The following MDGA2 variants were observed in gnomAD, a reference collection of about 807,000 sequenced individuals.
MDGA2 encodes the protein MAM domain-containing glycosylphosphatidylinositol anchor protein 2.
MDGA2 carries 40 observed loss-of-function variants against 117.8 expected under a neutral mutation model. The observed-to-expected ratio is 0.34, with a 90% CI of 0.26 to 0.44. MDGA2 has a LOEUF of 0.44. Among genes scored for constraint, MDGA2 ranks in the 20% least tolerant of loss-of-function variants. The pLI is 1.00. For missense variants in MDGA2, 1,123 were observed against 1,250.6 expected, an observed-to-expected ratio of 0.90 and a Z score of 1.54; for synonymous variants, 452 against 439.0, an observed-to-expected ratio of 1.03 and a Z score of -0.37.
At chr14:47,382,397 T>A (rs556918282) in intron 1 of MDGA2, among the ~76,000 whole-genome samples, 2 of 152,310 alleles carry the variant, frequency 1.3e-5, no homozygotes, top group South Asian at 4.2e-4. Flanking sequence ...CACAAGGAAC[T>A]ACCATCAGAC....
chr14:47,371,343 C>A (rs1891354635), intron 1 of MDGA2, among the ~76,000 whole-genome samples: 1 of 151,726 alleles, frequency 6.6e-6, no homozygotes, highest in Admixed American at 6.6e-5. Flanking sequence ...TACTTAAAGT[C>A]TCAAATACAG....
chr14:47,486,913 C>G (rs546482011), intron 1 of MDGA2, among the ~76,000 whole-genome samples: 31 of 152,022 alleles, frequency 2.0e-4, no homozygotes. Flanking sequence ...TTAGCAGCAG[C>G]GTGAAAAAAG....
At chr14:47,450,903 G>A (rs1194305089) in intron 1 of MDGA2, among the ~76,000 whole-genome samples, 4 of 152,094 alleles carry the variant, frequency 2.6e-5, no homozygotes, top group Admixed American at 2.6e-4. Flanking sequence ...TTCTTACTTA[G>A]CTGAGGCACT....
intron 2 of MDGA2, among the ~76,000 whole-genome samples, chr14:47,246,296 T>C (rs1447753728): frequency 2.6e-5 from 4 of 151,790 alleles, no homozygotes; most frequent in Non-Finnish European, 5.9e-5. Context: ...CAAAAATTTA[T>C]CAGTCCTTCC....
intron 1 of MDGA2, among the ~76,000 whole-genome samples, chr14:47,339,729 G>C (rs1307596413): frequency 6.6e-6 from 1 of 152,132 alleles, no homozygotes; most frequent in Non-Finnish European, 1.5e-5. Context: ...ACAGCTTGCG[G>C]AACAATGAGC....
chr14:47,582,889 T>G (rs2138843380), intron 1 of MDGA2, among the ~76,000 whole-genome samples: 1 of 152,024 alleles, frequency 6.6e-6, no homozygotes, highest in East Asian at 1.9e-4. Context: ...CTTTGTCAGG[T>G]TCAACTCAGT....
chr14:47,640,223 G>A (rs1056528256), intron 1 of MDGA2, among the ~76,000 whole-genome samples: 1 of 152,100 alleles, frequency 6.6e-6, no homozygotes, highest in African/African-American at 2.4e-5. Flanking sequence ...TACATCTTGA[G>A]TCAAGGATTT....
chr14:47,463,586 G>A (rs1893536995), intron 1 of MDGA2, among the ~76,000 whole-genome samples: 1 of 152,118 alleles, frequency 6.6e-6, no homozygotes, highest in African/African-American at 2.4e-5. Context: ...TAGTGACTGA[G>A]GAGAACTTTG....
At chr14:47,317,834 T>C (rs1889854650) in intron 1 of MDGA2, among the ~76,000 whole-genome samples, 1 of 152,122 alleles carries the variant, frequency 6.6e-6, no homozygotes, top group African/African-American at 2.4e-5. Flanking sequence ...GACTTTGCCC[T>C]GTCTTCTAGG....
chr14:46,958,175 T>C lies in MDGA2; in HGVS notation c.1820-532A>G, dbSNP rs114347634. 6.1e-3 allele frequency among the ~76,000 whole-genome samples: 922 copies of C among 152,246 alleles called. 2 individuals carry two copies. Among genetic ancestry groups the C allele is most frequent in the East Asian group, 0.019 (96 of 5,162 alleles). ...ATGAGAGTTGACCAGGCAAGTATGCTACAAAAATAATGCTCAGCTGTGTCT... is the reference window on the plus strand; with the variant it reads ...ATGAGAGTTGACCAGGCAAGTATGCCACAAAAATAATGCTCAGCTGTGTCT... On this transcript the variant is annotated intron_variant, in intron 8 of 16. Coordinates refer to ENST00000399232, the MANE Select transcript of MDGA2 (RefSeq NM_001113498.3).
chr14:46,862,761 T>C (rs1435573683), intron 14 of MDGA2, among the ~76,000 whole-genome samples: 1 of 152,048 alleles, frequency 6.6e-6, no homozygotes, highest in Non-Finnish European at 1.5e-5. Flanking sequence ...CTAGGCAAGA[T>C]CTATGTATAT....
At chr14:47,672,087 G>T (rs886941409) in intron 1 of MDGA2, among the ~76,000 whole-genome samples, 13 of 152,172 alleles carry the variant, frequency 8.5e-5, no homozygotes, top group East Asian at 5.8e-4. Context: ...CTTCAAACAA[G>T]TTCCAGGGTG....
At chr14:47,129,244 C>CG (rs911658451) in intron 5 of MDGA2, among the ~76,000 whole-genome samples, 1 of 151,688 alleles carries the variant, frequency 6.6e-6, no homozygotes. Flanking sequence ...ATAGCTCCCC[C>CG]CCCGACCCCA....
At chr14:47,035,388 T>C (rs1888809507) in intron 7 of MDGA2, 84 bp from the exon 8 acceptor site, 4 of 1,108,414 alleles carry the variant, frequency 3.6e-6, no homozygotes, top group South Asian at 1.5e-5. Flanking sequence ...AAGGAAACAA[T>C]TTCTGCTGGC....
intron 1 of MDGA2, among the ~76,000 whole-genome samples, chr14:47,570,307 A>G (rs1895995699): frequency 6.6e-6 from 1 of 152,144 alleles, no homozygotes; most frequent in Non-Finnish European, 1.5e-5. Flanking sequence ...ATTACTTTCA[A>G]TGGCAAAACC....
At chr14:47,431,531 G>A (rs1892799827) in intron 1 of MDGA2, among the ~76,000 whole-genome samples, 1 of 151,968 alleles carries the variant, frequency 6.6e-6, no homozygotes, top group South Asian at 2.1e-4. Flanking sequence ...TTGTTATGAT[G>A]GAAAAAGCAG....
Position 46,855,515 on chromosome 14 carries a change from T to TA in MDGA2, c.2753-362dup, listed in dbSNP as rs1566492603. 6.6e-6 allele frequency among the ~76,000 whole-genome samples: 1 copy of TA among 151,990 alleles called. No individual in the cohort carries two copies. The highest frequency in any genetic ancestry group is 1.5e-5 in the Non-Finnish European group (1 of 67,978). On this transcript the variant is annotated intron_variant, in intron 14 of 16. Transcript: ENST00000399232. The surrounding 1 kb of genome is among the most constrained non-coding windows in gnomAD (Gnocchi z 4.1). The stretch of plus-strand genomic sequence containing the variant: ...ATACAGGAAAGAAGGCCATGAGAGA[T>TA]AGAGATGTTACATGGCTGGTTTCCA...
chr14:46,845,620 C>A (rs1455489400), intron 16 of MDGA2, 146 bp downstream of exon 16: 5 of 483,574 alleles, frequency 1.0e-5, no homozygotes, highest in East Asian at 3.3e-5. Context: ...AATAACTGAA[C>A]AAACTTTAGG....
At chr14:47,546,847 G>C (rs1314517100) in intron 1 of MDGA2, among the ~76,000 whole-genome samples, 2 of 152,140 alleles carry the variant, frequency 1.3e-5, no homozygotes, top group African/African-American at 4.8e-5. Context: ...CAGAAAGTCA[G>C]GGAGTTAAAT....
Sources: allele counts gnomAD v4.1 joint callset (sites outside exome capture counted in the v4.1 genomes callset), GRCh38; gene constraint gnomAD v4.1.1; non-coding constraint Gnocchi (gnomAD v3.1); transcripts MANE v1.5; gene names NCBI Gene and HGNC (gene_info 2026-07-23, HGNC 2026-07-21).